Variants in EPB41 observed in about 807,000 individuals in gnomAD.
EPB41 encodes the protein protein 4.1.
A neutral mutation model predicts 108.0 loss-of-function variants in EPB41; 65 were observed. That is an observed-to-expected ratio of 0.60 (90% CI 0.49 to 0.74). EPB41 has a LOEUF of 0.74. Among genes scored for constraint, EPB41 ranks in the 30% least tolerant of loss-of-function variants. The pLI, the probability that EPB41 is intolerant of heterozygous loss-of-function variation, is 0.00. For synonymous variants in EPB41, 336 were observed against 358.9 expected, an observed-to-expected ratio of 0.94 and a Z score of 0.72; for missense variants, 875 against 1,037.0, an observed-to-expected ratio of 0.84 and a Z score of 2.15.
chr1:29,035,984 C>A, intron 10 of EPB41, 61 bp downstream of exon 10: 1 of 1,314,604 alleles, frequency 7.6e-7, no homozygotes, highest in Non-Finnish European at 1.1e-6. Context: ...CTATTTTAAG[C>A]CTGCTATTAA....
intron 1 of EPB41, among the ~76,000 whole-genome samples, chr1:28,986,305 C>T (rs1272794755): frequency 1.3e-5 from 2 of 152,224 alleles, no homozygotes; most frequent in African/African-American, 2.4e-5. Context: ...CATCAATAGT[C>T]GACTTCATTG....
intron 1 of EPB41, among the ~76,000 whole-genome samples, chr1:28,933,144 A>G (rs1222874379): frequency 6.6e-6 from 1 of 152,204 alleles, no homozygotes; most frequent in East Asian, 1.9e-4. Flanking sequence ...GGGCAGCAAC[A>G]GAAAAGCATT....
At chr1:29,039,177 A>T in intron 10 of EPB41, 77 bp from the exon 11 acceptor site, 2 of 1,472,458 alleles carry the variant, frequency 1.4e-6, no homozygotes, top group Non-Finnish European at 1.9e-6. Flanking sequence ...TTTATTCTTG[A>T]TTTTGTTTTT....
At chr1:28,968,969 A>T (rs1319553131) in intron 1 of EPB41, among the ~76,000 whole-genome samples, 1 of 114,308 alleles carries the variant, frequency 8.7e-6, no homozygotes, top group African/African-American at 4.3e-5. Context: ...TGCCTCCAAA[A>T]CCCCCCACCC....
chr1:29,099,924 G>A lies in EPB41; in HGVS notation c.2313+1989G>A, dbSNP rs149261279. Among the ~76,000 whole-genome samples, 679 of 152,254 alleles carry A rather than the reference G, an allele frequency of 4.5e-3. 4 individuals carry two copies. Among genetic ancestry groups the A allele is most frequent in the African/African-American group, 0.015 (643 of 41,566 alleles). ...TTCAGACAGTGGTAAATGCTATAAG[G>A]AAACTAAAATGGGGTAAAGAGTTAG... On this transcript the variant is annotated intron_variant, in intron 17 of 20. Coordinates refer to ENST00000343067, the MANE Select transcript of EPB41 (RefSeq NM_001376013.1).
intron 1 of EPB41, among the ~76,000 whole-genome samples, chr1:28,904,896 TG>T (rs369921957): frequency 1.3e-5 from 2 of 151,370 alleles, no homozygotes; most frequent in African/African-American, 4.9e-5. Flanking sequence ...CTGGGCATGG[TG>T]GGGGGCGCCT....
intron 1 of EPB41, among the ~76,000 whole-genome samples, chr1:28,896,546 T>C (rs1050267674): frequency 6.6e-6 from 1 of 152,132 alleles, no homozygotes; most frequent in Non-Finnish European, 1.5e-5. Flanking sequence ...GATGCAGAAA[T>C]CACCAACTCC....
At chr1:29,005,408 A>C (rs1188416024) in intron 4 of EPB41, among the ~76,000 whole-genome samples, 2 of 152,206 alleles carry the variant, frequency 1.3e-5, no homozygotes, top group Non-Finnish European at 2.9e-5. Flanking sequence ...GTGGGGATAC[A>C]CATCCAAACA....
intron 1 of EPB41, among the ~76,000 whole-genome samples, chr1:28,896,949 G>T (rs992147464): frequency 6.6e-6 from 1 of 152,188 alleles, no homozygotes; most frequent in African/African-American, 2.4e-5. Context: ...GGCCCACTGG[G>T]GTCTCTGGCT....
intron 16 of EPB41, among the ~76,000 whole-genome samples, chr1:29,090,620 A>G (rs1273318478): frequency 6.6e-6 from 1 of 152,092 alleles, no homozygotes; most frequent in Non-Finnish European, 1.5e-5. Context: ...CGCGATGGCA[A>G]ATGCCTGTAA....
Position 28,887,887 on chromosome 1 carries a change from A to G in EPB41, c.-8+677A>G, listed in dbSNP as rs2089633636. Among the ~76,000 whole-genome samples the G allele has an allele frequency of 6.6e-6, 1 of 151,904 alleles. No homozygotes were observed. Among genetic ancestry groups the G allele is most frequent in the Non-Finnish European group, 1.5e-5 (1 of 67,922 alleles). ...CCGGTTCAGGCTCAGGTTCCCTCTC[A>G]TCTCTGGGTTCCCTGTATCTCTCAT... On this transcript the variant is annotated intron_variant, in intron 1 of 16. Transcript: ENST00000347529. The surrounding 1 kb of genome is among the most constrained non-coding windows in gnomAD (Gnocchi z 4.9).
At chr1:29,069,204 G>A in intron 16 of EPB41, 2 of 1,231,430 alleles carry the variant, frequency 1.6e-6, no homozygotes, top group South Asian at 8.2e-5. Context: ...ATCACTTAGG[G>A]GTGTGCAAAG....
intron 16 of EPB41, among the ~76,000 whole-genome samples, chr1:29,077,873 A>G (rs1654752251): frequency 6.6e-6 from 1 of 152,204 alleles, no homozygotes; most frequent in Admixed American, 6.5e-5. Context: ...ATATTATTCT[A>G]TTAGTTTCCT....
chr1:28,924,246 C>T (rs1371915639), intron 1 of EPB41, among the ~76,000 whole-genome samples: 4 of 152,150 alleles, frequency 2.6e-5, no homozygotes, highest in Admixed American at 2.6e-4. Flanking sequence ...ATGAAAGCCC[C>T]TGGCCGGGTG....
At chr1:29,098,069 G>C in intron 17 of EPB41, 134 bp downstream of exon 17, 5 of 1,277,926 alleles carry the variant, frequency 3.9e-6, no homozygotes, top group Non-Finnish European at 5.5e-6. Context: ...AGAGATTACT[G>C]GTCTAAGAAG....
At chr1:29,059,089 A>G (rs1483506828) in intron 14 of EPB41, among the ~76,000 whole-genome samples, 1 of 152,172 alleles carries the variant, frequency 6.6e-6, no homozygotes, top group Non-Finnish European at 1.5e-5. Flanking sequence ...AGCCTGGCCA[A>G]CATGGTGAAA....
chr1:29,081,571 C>T (rs1656623156), intron 16 of EPB41, among the ~76,000 whole-genome samples: 1 of 152,176 alleles, frequency 6.6e-6, no homozygotes, highest in Non-Finnish European at 1.5e-5. Context: ...CACTGTGGCT[C>T]ACGCCTGTAA....
At chr1:28,932,684 A>G (rs2093811403) in intron 1 of EPB41, among the ~76,000 whole-genome samples, 1 of 151,852 alleles carries the variant, frequency 6.6e-6, no homozygotes, top group African/African-American at 2.4e-5. Context: ...TTCCATGTCA[A>G]CTCTAATTCT....
chr1:29,002,757 C>T (rs2096323033), intron 4 of EPB41, among the ~76,000 whole-genome samples: 1 of 152,192 alleles, frequency 6.6e-6, no homozygotes, highest in African/African-American at 2.4e-5. Flanking sequence ...AGGCAGCCTT[C>T]ATTCTACAAA....
Sources: gnomAD v4.1 joint callset for allele counts (sites outside exome capture counted in the v4.1 genomes callset) on GRCh38, gnomAD v4.1.1 for gene constraint, Gnocchi (gnomAD v3.1) non-coding constraint, MANE v1.5 for transcripts, NCBI Gene and HGNC (gene_info 2026-07-23, HGNC 2026-07-21) for gene names.